Variants in TNKS observed in about 807,000 individuals in gnomAD.
TNKS encodes tankyrase.
A neutral mutation model predicts 135.8 loss-of-function variants in TNKS; 72 were observed. The ratio of observed to expected loss-of-function variants is 0.53; its 90% confidence interval spans 0.44 to 0.64. The LOEUF (loss-of-function observed/expected upper bound fraction) is 0.64, where lower values mean the gene tolerates loss of function less well. Among genes scored for constraint, TNKS ranks in the 30% least tolerant of loss-of-function variants. The pLI is 0.00. For synonymous variants in TNKS, 849 were observed against 649.3 expected (o/e 1.31, Z -4.68); for missense variants, 1,769 against 1,674.0 (o/e 1.06, Z -0.99).
At chr8:9,750,016 T>C (rs1352735343) in intron 18 of TNKS, among the ~76,000 whole-genome samples, 4 of 152,116 alleles carry the variant, frequency 2.6e-5, no homozygotes, top group Non-Finnish European at 5.9e-5. Context: ...AGCCAAAAGC[T>C]CCACCCACAA....
chr8:9,663,044 A>G (rs1477751263), intron 3 of TNKS, among the ~76,000 whole-genome samples: 4 of 152,228 alleles, frequency 2.6e-5, no homozygotes, highest in Non-Finnish European at 4.4e-5. Context: ...TCAGAATCAG[A>G]GACGATCTGA....
At chr8:9,674,555 GTC>G (rs1009297222) in intron 3 of TNKS, among the ~76,000 whole-genome samples, 2 of 152,290 alleles carry the variant, frequency 1.3e-5, no homozygotes, top group African/African-American at 2.4e-5. Context: ...CTGGTGAATG[GTC>G]TCTCTGCAAT....
chr8:9,747,580 C>T (rs1585410973), intron 17 of TNKS, among the ~76,000 whole-genome samples: 2 of 152,064 alleles, frequency 1.3e-5, no homozygotes, highest in East Asian at 1.9e-4. Context: ...AATCTGATTG[C>T]AGTAGGTAGA....
At chr8:9,674,726 T>C (rs1288048340) in intron 3 of TNKS, among the ~76,000 whole-genome samples, 7 of 152,204 alleles carry the variant, frequency 4.6e-5, no homozygotes, top group Admixed American at 4.6e-4. Flanking sequence ...ATGTTGGTAC[T>C]AAGCAGAGTG....
chr8:9,623,345 T>TA (rs1413893946), intron 3 of TNKS, among the ~76,000 whole-genome samples: 2 of 152,114 alleles, frequency 1.3e-5, no homozygotes, highest in African/African-American at 2.4e-5. Flanking sequence ...TTATAGATAC[T>TA]AACCTGTGTA....
chr8:9,680,001 T>C lies in TNKS; in HGVS notation c.1031+14T>C, dbSNP rs374427132. On this transcript the variant is annotated intron_variant, in intron 4 of 26. Transcript: ENST00000310430. ...AGAAGCTGCTAGGTAAGTGATTCCA[T>C]TCATTTTAAGTGTATATAATGCATT... is the stretch of plus-strand genomic sequence containing the variant. 1.7e-5 allele frequency: 28 copies of C among 1,605,798 alleles called. No individual in the cohort carries two copies. The highest frequency in any genetic ancestry group is 2.4e-5 in the Non-Finnish European group (28 of 1,172,578).
At chr8:9,606,721 A>G (rs1388997294) in intron 2 of TNKS, among the ~76,000 whole-genome samples, 6 of 151,934 alleles carry the variant, frequency 3.9e-5, no homozygotes, top group Non-Finnish European at 8.8e-5. Context: ...ACCAGATCAC[A>G]TTTTTCTTTC....
intron 3 of TNKS, among the ~76,000 whole-genome samples, chr8:9,655,404 C>T (rs2128783569): frequency 6.6e-6 from 1 of 152,324 alleles, no homozygotes; most frequent in Non-Finnish European, 1.5e-5. Context: ...GTGGTTCTCC[C>T]AGCACGCAGC....
intron 13 of TNKS, among the ~76,000 whole-genome samples, chr8:9,729,097 C>G (rs1186801807): frequency 6.6e-6 from 1 of 152,194 alleles, no homozygotes; most frequent in East Asian, 1.9e-4. Flanking sequence ...GCTGCCTCTT[C>G]TGGAGGGGAC....
At chr8:9,610,122 G>A (rs1235074468) in intron 2 of TNKS, among the ~76,000 whole-genome samples, 1 of 152,080 alleles carries the variant, frequency 6.6e-6, no homozygotes, top group African/African-American at 2.4e-5. Context: ...CTTCCAAAGT[G>A]CTGAGATTAC....
chr8:9,608,183 C>G (rs1408677858), intron 2 of TNKS, among the ~76,000 whole-genome samples: 3 of 152,154 alleles, frequency 2.0e-5, no homozygotes, highest in Non-Finnish European at 4.4e-5. Context: ...TTAAGCAATT[C>G]TTCCACCTCA....
At chr8:9,661,438 C>T (rs904970922) in intron 3 of TNKS, among the ~76,000 whole-genome samples, 3 of 152,092 alleles carry the variant, frequency 2.0e-5, no homozygotes, top group Admixed American at 2.0e-4. Flanking sequence ...CGCATATCTA[C>T]AACTATCTGA....
At chr8:9,556,918 A>G (rs767929886) in intron 1 of TNKS, 8 of 528,104 alleles carry the variant, frequency 1.5e-5, no homozygotes, top group Admixed American at 6.9e-5. Context: ...GCAGGAATAC[A>G]GTTAGATTTG....
At chr8:9,565,304 G>A (rs34973657) in intron 1 of TNKS, among the ~76,000 whole-genome samples, 19,976 of 152,108 alleles carry the variant, frequency 0.13, 1,513 homozygotes, top group Admixed American at 0.23. Context: ...GGTTTTGGAA[G>A]AGGGAAAATA....
intron 13 of TNKS, among the ~76,000 whole-genome samples, chr8:9,730,186 A>C (rs1030594148): frequency 1.3e-5 from 2 of 152,204 alleles, no homozygotes; most frequent in African/African-American, 4.8e-5. Flanking sequence ...TTTGTAAACA[A>C]ACGGAGCTTA....
Position 9,758,400 on chromosome 8 carries a change from T to A in TNKS, c.3154-3116T>A, listed in dbSNP as rs181465515. Among the ~76,000 whole-genome samples the A allele has an allele frequency of 6.6e-4, 101 of 152,344 alleles. 3 individuals carry two copies. Among genetic ancestry groups the A allele is most frequent in the Non-Finnish European group, 2.1e-4 (14 of 68,040 alleles). The stretch of plus-strand genomic sequence containing the variant: ...GGATAGCCTAATAAACATTTTCTTT[T>A]GTTTCTTTAGTTACTTATTTTCATA... On this transcript the variant is annotated intron_variant, in intron 20 of 26. Coordinates refer to ENST00000310430, the MANE Select transcript of TNKS (RefSeq NM_003747.3).
Position 9,566,109 on chromosome 8 carries a change from C to G in TNKS, c.673+9497C>G, listed in dbSNP as rs114206552. Among the ~76,000 whole-genome samples the G allele has an allele frequency of 1.4e-3, 213 of 152,194 alleles. 1 individual carries two copies. The highest frequency in any genetic ancestry group is 5.0e-3 in the African/African-American group (208 of 41,506). On this transcript the variant is annotated intron_variant, in intron 1 of 26. Transcript: ENST00000310430. ...AGTCATGTTAATAAGATGTGCAGGT[C>G]TCCTCTTCCAAATGCTTGGGTTATT...
At chr8:9,720,257 G>A in intron 11 of TNKS, 117 bp from the exon 12 acceptor site, 2 of 983,744 alleles carry the variant, frequency 2.0e-6, no homozygotes, top group South Asian at 2.1e-5. Flanking sequence ...CAATATCTAT[G>A]AGACTTTTTA....
At chr8:9,713,579 T>C (rs899267757) in intron 11 of TNKS, among the ~76,000 whole-genome samples, 1 of 152,220 alleles carries the variant, frequency 6.6e-6, no homozygotes, top group South Asian at 2.1e-4. Flanking sequence ...TTCTAGACTT[T>C]TGTGTTCATC....
Sources: gnomAD v4.1 joint callset for allele counts (sites outside exome capture counted in the v4.1 genomes callset) on GRCh38, gnomAD v4.1.1 for gene constraint, MANE v1.5 for transcripts, NCBI Gene and HGNC (gene_info 2026-07-23, HGNC 2026-07-21) for gene names.